CPLANE1: variants seen among roughly 807,000 people sequenced by gnomAD.
The protein encoded by CPLANE1 is ciliogenesis and planar polarity effector 1.
Under a neutral mutation model 362.5 loss-of-function variants are expected in CPLANE1, and 263 were observed. That is an observed-to-expected ratio of 0.73 (90% CI 0.66 to 0.80). The LOEUF (loss-of-function observed/expected upper bound fraction) is 0.80. Among genes scored for constraint, CPLANE1 ranks in the 30% least tolerant of loss-of-function variants. The pLI is 0.00. For synonymous variants in CPLANE1, 1,212 were observed against 1,302.6 expected (o/e 0.93, Z 1.50); for missense variants, 3,461 against 3,793.4 (o/e 0.91, Z 2.30).
Position 37,183,208 on chromosome 5 carries a change from T to A in CPLANE1, c.4973A>T (p.Lys1658Ile), listed in dbSNP as rs761598092. 1.2e-5 allele frequency: 20 copies of A among 1,611,398 alleles called. No individual in the cohort carries two copies. The highest frequency in any genetic ancestry group is 3.4e-5 in the Admixed American group (2 of 59,578). Reference sequence around the variant, plus strand: ...ATTCGAAGGATATTGTAAAAAAGGTTTGATCCCTTGATTAACCAGTACTGA... The same window carrying A: ...ATTCGAAGGATATTGTAAAAAAGGTATGATCCCTTGATTAACCAGTACTGA... ...SSSVLVNQGIKPFLQYPSNEV... is the reference protein window; with the variant it reads ...SSSVLVNQGIIPFLQYPSNEV... Residue 1658 changes from lysine to isoleucine, a missense_variant, in exon 26 of 53, where the codon AAA becomes ATA. This residue lies in a region of CPLANE1 where 3,380 missense variants were observed against 3,666.1 expected (regional missense o/e 0.92). Transcript: ENST00000651892.
At position 37,173,736 on chromosome 5, in the gene CPLANE1, T is replaced by TTA; in HGVS notation, c.6171+18_6171+19insTA. On this transcript the variant is annotated intron_variant, in intron 32 of 52. Coordinates refer to ENST00000651892, the MANE Select transcript of CPLANE1 (RefSeq NM_001384732.1). ...TACACTATGTGTAGATTTACTTACTTATATAGAGATGTGCTTACCTGAACT... is the reference window on the plus strand; with the variant it reads ...TACACTATGTGTAGATTTACTTACTTTAATATAGAGATGTGCTTACCTGAACT... 1 of 1,598,924 alleles carries TTA rather than the reference T, an allele frequency of 6.3e-7. No homozygotes were observed. The highest frequency in any genetic ancestry group is 8.6e-7 in the Non-Finnish European group (1 of 1,167,308).
chr5:37,125,069 G>A (rs62354985), intron 47 of CPLANE1, 175 bp downstream of exon 47: 1 of 1,365,716 alleles, frequency 7.3e-7, no homozygotes, highest in Non-Finnish European at 9.6e-7. Context: ...AGCACAATAT[G>A]CTGCAACATT....
rs1794141780 is a variant in CPLANE1, at chr5:37,216,560, C to T, written c.2747-2828G>A. On this transcript the variant is annotated intron_variant, in intron 15 of 52. Coordinates refer to ENST00000651892, the MANE Select transcript of CPLANE1 (RefSeq NM_001384732.1). ...TGAGGCCCTATCTCAAACACACGCA[C>T]ACAAATGTGTGGAGTGAAGGGAGAT... Among the ~76,000 whole-genome samples, 4 of 151,000 alleles carry T rather than the reference C, an allele frequency of 2.6e-5. No homozygotes were observed. The South Asian group carries it at 8.3e-4, about 31-fold the overall frequency.
chr5:37,108,026 T>A (rs1758035118), intron 52 of CPLANE1, among the ~76,000 whole-genome samples: 1 of 152,206 alleles, frequency 6.6e-6, no homozygotes, highest in South Asian at 2.1e-4. Context: ...AGAACGGATG[T>A]TGATACTTGT....
chr5:37,082,215 T>C, the CPLANE1 span, among the ~76,000 whole-genome samples: 1 of 152,100 alleles, frequency 6.6e-6, no homozygotes, highest in Admixed American at 6.6e-5. Flanking sequence ...TTTCAAATAC[T>C]GAAATAAAAA....
At chr5:37,192,578 C>T (rs181427586) in intron 21 of CPLANE1, among the ~76,000 whole-genome samples, 121 of 152,108 alleles carry the variant, frequency 8.0e-4, no homozygotes, top group Non-Finnish European at 1.4e-3. Context: ...AAAAATACCT[C>T]ATCTGGCCAG....
intron 31 of CPLANE1, among the ~76,000 whole-genome samples, chr5:37,175,696 T>C (rs1220659627): frequency 1.3e-5 from 2 of 152,238 alleles, no homozygotes; most frequent in African/African-American, 2.4e-5. Flanking sequence ...CTGTGTAACT[T>C]TAAAATACAA....
chr5:37,127,946 G>A (rs1764685875), intron 46 of CPLANE1, among the ~76,000 whole-genome samples: 1 of 151,988 alleles, frequency 6.6e-6, no homozygotes. Context: ...GGCTAAGGTG[G>A]GAGAATCACT....
chr5:37,203,948 G>A (rs1397087756), intron 18 of CPLANE1, among the ~76,000 whole-genome samples: 1 of 152,152 alleles, frequency 6.6e-6, no homozygotes, highest in Non-Finnish European at 1.5e-5. Flanking sequence ...TTTGCTTGTT[G>A]TTTCTGACCT....
At chr5:37,162,037 C>G in intron 38 of CPLANE1, among the ~76,000 whole-genome samples, 1 of 152,036 alleles carries the variant, frequency 6.6e-6, no homozygotes, top group Admixed American at 6.6e-5. Context: ...GGAAACATTC[C>G]AAATAATAGG....
In CPLANE1 at chr5:37,173,872, T is replaced by C; in HGVS notation, c.6054A>G (p.Ser2018=). 1 of 1,614,170 alleles carries C rather than the reference T, an allele frequency of 6.2e-7. No individual in the cohort carries two copies. The highest frequency in any genetic ancestry group is 1.1e-5 in the South Asian group (1 of 91,080). The change falls in exon 32 of 53, where the codon TCA becomes TCG. Residue 2018 remains serine, a synonymous_variant. Coordinates refer to ENST00000651892, the MANE Select transcript of CPLANE1 (RefSeq NM_001384732.1). ...LLISNGVNVA[S]QPPAPTPQKT... ...TCTGAGGTGTTGGAGCAGGTGGTTG[T>C]GAAGCAACATTGACTCCATTTGATA...
intron 40 of CPLANE1, 23 bp downstream of exon 40, chr5:37,157,647 T>C: frequency 6.3e-7 from 1 of 1,596,008 alleles, no homozygotes; most frequent in Non-Finnish European, 8.6e-7. Flanking sequence ...ATTATATTTG[T>C]TTTAAAAGTA....
At chr5:37,105,018 T>C (rs917531115), downstream of CPLANE1, among the ~76,000 whole-genome samples, 1 of 152,076 alleles carries the variant, frequency 6.6e-6, no homozygotes, top group African/African-American at 2.4e-5. Context: ...AAGCTATCAA[T>C]AGGTTGGGTG....
In CPLANE1 at chr5:37,182,713, A is replaced by G. The variant is rs761365553; in HGVS notation, c.5421+47T>C. On this transcript the variant is annotated intron_variant, in intron 26 of 52. Coordinates refer to ENST00000651892, the MANE Select transcript of CPLANE1 (RefSeq NM_001384732.1). ...GGAAATGTAAACATAGTTTTAATCT[A>G]AAATGAGAATTCTCATTTGTAAGTA... 153 of 1,140,450 alleles carry G rather than the reference A, an allele frequency of 1.3e-4. 1 individual carries two copies. Among genetic ancestry groups the G allele is most frequent in the Non-Finnish European group, 1.8e-4 (142 of 797,246 alleles). The allele number at this position is 1,140,450 out of a possible 1,614,324, so 70.6% of individuals were successfully genotyped here.
chr5:37,107,902 G>T, intron 52 of CPLANE1, 124 bp from the exon 53 acceptor site: 1 of 1,414,434 alleles, frequency 7.1e-7, no homozygotes, highest in Non-Finnish European at 9.3e-7. Flanking sequence ...CCATCAAAAG[G>T]CTGAAGGAAA....
intron 25 of CPLANE1, 135 bp downstream of exon 25, chr5:37,184,653 G>A (rs1194041908): frequency 9.2e-6 from 6 of 655,006 alleles, no homozygotes; most frequent in Non-Finnish European, 1.6e-5. Context: ...TGAGTGGAGG[G>A]GGTGGCACTT....
intron 21 of CPLANE1, among the ~76,000 whole-genome samples, chr5:37,195,467 G>A (rs1413617146): frequency 6.6e-6 from 1 of 151,870 alleles, no homozygotes; most frequent in Non-Finnish European, 1.5e-5. Flanking sequence ...TGGGTGTGGT[G>A]GTGTGCACCT....
chr5:37,215,682 C>T (rs985052465), intron 15 of CPLANE1, among the ~76,000 whole-genome samples: 3 of 150,054 alleles, frequency 2.0e-5, no homozygotes, highest in Non-Finnish European at 4.4e-5. Flanking sequence ...GACCCAGGCA[C>T]GACAGCCTTG....
At chr5:37,214,053 T>C (rs946555240) in intron 15 of CPLANE1, among the ~76,000 whole-genome samples, 2 of 151,972 alleles carry the variant, frequency 1.3e-5, no homozygotes, top group African/African-American at 4.8e-5. Flanking sequence ...GCATACCACA[T>C]AACCTAGAAA....
Sources: gnomAD v4.1 joint callset for allele counts (sites outside exome capture counted in the v4.1 genomes callset) on GRCh38, gnomAD v4.1.1 for gene constraint, gnomAD v4.1.1 regional missense constraint, MANE v1.5 for transcripts, NCBI Gene and HGNC (gene_info 2026-07-23, HGNC 2026-07-21) for gene names.